The following SLC39A9 variants were observed in gnomAD, a reference collection of about 807,000 sequenced individuals.
SLC39A9 encodes the protein zinc transporter ZIP9.
In SLC39A9, 14 loss-of-function variants were observed where a neutral mutation model predicts 28.4. The ratio of observed to expected loss-of-function variants is 0.49; its 90% confidence interval spans 0.33 to 0.77. SLC39A9 has a LOEUF of 0.77. Ranked by LOEUF, SLC39A9 falls within the 30% of genes least tolerant of loss-of-function variation. SLC39A9 has a pLI of 0.02. For missense variants in SLC39A9, 283 were observed against 381.1 expected (o/e 0.74, Z 2.14); for synonymous variants, 119 against 149.6 (o/e 0.80, Z 1.49).
At chr14:69,406,904 G>A (rs568129981) in intron 1 of SLC39A9, among the ~76,000 whole-genome samples, 2 of 132,696 alleles carry the variant, frequency 1.5e-5, no homozygotes, top group African/African-American at 2.8e-5. Context: ...AGGCTGGAGT[G>A]CAGTGGCGTG....
chr14:69,446,158 G>A (rs1041988249), intron 3 of SLC39A9, among the ~76,000 whole-genome samples: 4 of 151,894 alleles, frequency 2.6e-5, no homozygotes, highest in Non-Finnish European at 5.9e-5. Flanking sequence ...GTGGAAGAAG[G>A]AACACACAAG....
chr14:69,427,284 G>T (rs1296119180), intron 2 of SLC39A9, among the ~76,000 whole-genome samples: 2 of 152,116 alleles, frequency 1.3e-5, no homozygotes, highest in African/African-American at 4.8e-5. Flanking sequence ...GATTACAGGT[G>T]TGAGCCACTG....
chr14:69,405,404 C>T (rs1301157642), intron 1 of SLC39A9, among the ~76,000 whole-genome samples: 1 of 152,116 alleles, frequency 6.6e-6, no homozygotes, highest in Non-Finnish European at 1.5e-5. Context: ...ATTGCTCTTA[C>T]CCTCTTATGG....
Position 69,455,830 on chromosome 14 carries a change from A to G in SLC39A9, c.657A>G (p.Pro219=). The G allele has an allele frequency of 6.2e-7, 1 of 1,614,220 alleles. No individual in the cohort carries two copies. The highest frequency in any genetic ancestry group is 1.1e-5 in the South Asian group (1 of 91,086). Residue 219 remains proline, a synonymous_variant, in exon 6 of 7, where the codon CCA becomes CCG. Transcript: ENST00000336643. ...KHLLVFALAA[P]VMSMVTYLGL... is the part of the protein sequence containing the mutation. ...TGCTGGTCTTTGCATTGGCAGCACCAGTTATGTCCATGGTGACATACTTAG... is the reference window on the plus strand; with the variant it reads ...TGCTGGTCTTTGCATTGGCAGCACCGGTTATGTCCATGGTGACATACTTAG...
chr14:69,457,570 C>A (rs1174998839), intron 6 of SLC39A9, among the ~76,000 whole-genome samples: 1 of 152,138 alleles, frequency 6.6e-6, no homozygotes, highest in Non-Finnish European at 1.5e-5. Context: ...TCTCAAGCAC[C>A]TGGCCCAGAG....
intron 3 of SLC39A9, among the ~76,000 whole-genome samples, chr14:69,448,190 G>C (rs1247396853): frequency 7.8e-5 from 11 of 141,602 alleles, no homozygotes; most frequent in Middle Eastern, 3.4e-3. Context: ...ACTCCAGCCT[G>C]GGCAACAAAG....
At chr14:69,443,208 G>A (rs953572560) in intron 3 of SLC39A9, among the ~76,000 whole-genome samples, 4 of 152,238 alleles carry the variant, frequency 2.6e-5, no homozygotes, top group African/African-American at 9.6e-5. Flanking sequence ...AGGGATTGAT[G>A]TGTAGACATA....
At chr14:69,451,364 C>G (rs1434702839) in intron 3 of SLC39A9, among the ~76,000 whole-genome samples, 1 of 152,220 alleles carries the variant, frequency 6.6e-6, no homozygotes, top group Admixed American at 6.5e-5. Context: ...TTTTACCTGG[C>G]ATTTTGATGT....
intron 3 of SLC39A9, among the ~76,000 whole-genome samples, chr14:69,448,148 G>C (rs1885427722): frequency 7.0e-6 from 1 of 142,518 alleles, no homozygotes; most frequent in African/African-American, 2.6e-5. Context: ...ATGGGAGGCG[G>C]AGCTTGCAGT....
At chr14:69,448,041 C>A (rs1409199813) in intron 3 of SLC39A9, among the ~76,000 whole-genome samples, 1 of 151,556 alleles carries the variant, frequency 6.6e-6, no homozygotes, top group African/African-American at 2.4e-5. Flanking sequence ...GGTGAAACCT[C>A]GTCTCTACTA....
At chr14:69,398,487 T>C (rs1018278114), upstream of SLC39A9, 11 of 590,746 alleles carry the variant, frequency 1.9e-5, no homozygotes, top group Non-Finnish European at 2.7e-5. Context: ...AAGAATTATT[T>C]TTTTTCAAGA....
At chr14:69,419,130 G>A (rs544501278) in intron 1 of SLC39A9, among the ~76,000 whole-genome samples, 3 of 152,142 alleles carry the variant, frequency 2.0e-5, no homozygotes, top group African/African-American at 4.8e-5. Flanking sequence ...TTTCTCTTGT[G>A]GGCATTTAGT....
chr14:69,402,230 A>T (rs925873621), intron 1 of SLC39A9, among the ~76,000 whole-genome samples: 1 of 151,734 alleles, frequency 6.6e-6, no homozygotes, highest in Non-Finnish European at 1.5e-5. Context: ...TGAGCTAAAA[A>T]AAAAAAATGC....
At chr14:69,417,565 G>A (rs1199660032) in intron 1 of SLC39A9, among the ~76,000 whole-genome samples, 5 of 152,220 alleles carry the variant, frequency 3.3e-5, no homozygotes, top group Non-Finnish European at 7.3e-5. Context: ...ACCTTGGGCA[G>A]TATGGCCATT....
intron 2 of SLC39A9, among the ~76,000 whole-genome samples, chr14:69,429,735 C>T (rs1396237081): frequency 1.3e-5 from 2 of 152,124 alleles, no homozygotes; most frequent in Non-Finnish European, 2.9e-5. Flanking sequence ...AGTAGGATTG[C>T]TGGGTCACAT....
chr14:69,461,546 G>T lies in SLC39A9; in HGVS notation c.*2953G>T. On this transcript the variant is annotated 3_prime_UTR_variant, in exon 7 of 7. Transcript: ENST00000336643. ...TTCCCAATTCAAAACAGCCAAGTGA[G>T]CCCTGTTCTGGTATTTTGAATCATT... 3 of 1,470,924 alleles carry T rather than the reference G, an allele frequency of 2.0e-6. No individual in the cohort carries two copies. Among genetic ancestry groups the T allele is most frequent in the African/African-American group, 1.4e-5 (1 of 70,774 alleles). 91.1% of individuals were successfully genotyped at this position (1,470,924 alleles called of 1,614,324 possible).
intron 1 of SLC39A9, among the ~76,000 whole-genome samples, chr14:69,405,859 GCT>G (rs1882886358): frequency 6.6e-6 from 1 of 152,084 alleles, no homozygotes; most frequent in East Asian, 1.9e-4. Context: ...TGTTTATTGA[GCT>G]CTTTCTGTAT....
At chr14:69,428,953 C>T (rs1280721974) in intron 2 of SLC39A9, 1 of 152,302 alleles carries the variant, frequency 6.6e-6, no homozygotes, top group African/African-American at 2.4e-5. Flanking sequence ...TCAGAGTCCT[C>T]CACCACGACA....
intron 1 of SLC39A9, among the ~76,000 whole-genome samples, chr14:69,400,036 G>A (rs1416685594): frequency 6.6e-6 from 1 of 152,070 alleles, no homozygotes; most frequent in Non-Finnish European, 1.5e-5. Flanking sequence ...ACTCCAGCCT[G>A]GACAGCAGAG....
Sources: allele counts gnomAD v4.1 joint callset (sites outside exome capture counted in the v4.1 genomes callset), GRCh38; gene constraint gnomAD v4.1.1; transcripts MANE v1.5; gene names NCBI Gene and HGNC (gene_info 2026-07-23, HGNC 2026-07-21).